CALN1: variants seen among roughly 807,000 people sequenced by gnomAD.
CALN1 encodes calcium-binding protein 8.
A neutral mutation model predicts 30.6 loss-of-function variants in CALN1; 17 were observed. The observed-to-expected ratio is 0.56, with a 90% CI of 0.38 to 0.83. CALN1 has a LOEUF of 0.83. Among genes scored for constraint, CALN1 ranks in the 40% least tolerant of loss-of-function variants. CALN1 has a pLI of 0.00. For synonymous variants in CALN1, 156 were observed against 131.4 expected (o/e 1.19, Z -1.28); for missense variants, 291 against 354.9 (o/e 0.82, Z 1.45).
chr7:72,455,321 A>ATGTGTGTGTGTGTG, the CALN1 span, among the ~76,000 whole-genome samples: 1 of 138,856 alleles, frequency 7.2e-6, no homozygotes, highest in African/African-American at 2.7e-5. Flanking sequence ...ATATATATAT[A>ATGTGTGTGTGTGTG]TGTGTGTGTG....
intron 3 of CALN1, among the ~76,000 whole-genome samples, chr7:72,219,680 TACACATGC>T (rs75465877): frequency 0.39 from 59,077 of 151,050 alleles, 12,067 homozygotes; most frequent in Middle Eastern, 0.56. Context: ...CACACATGCA[TACACATGC>T]ACACATGCAA....
chr7:72,026,110 G>C (rs1483345985), intron 4 of CALN1, among the ~76,000 whole-genome samples: 1 of 152,182 alleles, frequency 6.6e-6, no homozygotes, highest in Non-Finnish European at 1.5e-5. Context: ...CAAGCAACGA[G>C]TTACCATCTT....
At chr7:71,891,903 C>T (rs1490923256) in intron 5 of CALN1, among the ~76,000 whole-genome samples, 1 of 151,988 alleles carries the variant, frequency 6.6e-6, no homozygotes, top group East Asian at 1.9e-4. Flanking sequence ...AAGATTGCCC[C>T]ACTGCACTCC....
At chr7:71,920,330 C>CTTTTTTTT in intron 5 of CALN1, among the ~76,000 whole-genome samples, 1 of 98,744 alleles carries the variant, frequency 1.0e-5, no homozygotes, top group Non-Finnish European at 2.0e-5. Flanking sequence ...CAAATTAGTT[C>CTTTTTTTT]TTTTTTTTTT....
At chr7:72,218,585 T>C (rs1023432197) in intron 3 of CALN1, among the ~76,000 whole-genome samples, 2 of 152,216 alleles carry the variant, frequency 1.3e-5, no homozygotes, top group African/African-American at 4.8e-5. Context: ...ATCTCTAACC[T>C]GACCATGTAG....
At chr7:72,369,327 T>C (rs1229660944) in intron 2 of CALN1, among the ~76,000 whole-genome samples, 2 of 144,694 alleles carry the variant, frequency 1.4e-5, no homozygotes, top group Non-Finnish European at 3.0e-5. Context: ...TTATAATATA[T>C]ATAATTTATA....
chr7:71,962,844 C>T (rs140829825), intron 5 of CALN1, among the ~76,000 whole-genome samples: 1 of 152,090 alleles, frequency 6.6e-6, no homozygotes, highest in South Asian at 2.1e-4. Flanking sequence ...AAAAGACAAT[C>T]CCTGGTGAGA....
chr7:72,466,695 A>G, the CALN1 span, among the ~76,000 whole-genome samples: 1 of 151,858 alleles, frequency 6.6e-6, no homozygotes, highest in Admixed American at 6.6e-5. Flanking sequence ...GTGAGCCAAG[A>G]TCGCGCCACT....
chr7:72,052,283 A>C (rs2129536056), intron 4 of CALN1, among the ~76,000 whole-genome samples: 1 of 152,326 alleles, frequency 6.6e-6, no homozygotes, highest in East Asian at 1.9e-4. Context: ...TAACAGCAAG[A>C]ACTCCTGATC....
At chr7:71,812,362 C>G (rs1001471990) in intron 5 of CALN1, among the ~76,000 whole-genome samples, 2 of 152,106 alleles carry the variant, frequency 1.3e-5, no homozygotes, top group Non-Finnish European at 2.9e-5. Flanking sequence ...GGTTCCGGAG[C>G]CAGGCAGTGA....
chr7:72,464,910 A>C, the CALN1 span, among the ~76,000 whole-genome samples: 2 of 152,184 alleles, frequency 1.3e-5, no homozygotes, highest in Non-Finnish European at 2.9e-5. Flanking sequence ...GACAGAAATC[A>C]GAGGCAGTGC....
chr7:72,255,220 G>C (rs1795833257), intron 3 of CALN1, among the ~76,000 whole-genome samples: 1 of 151,660 alleles, frequency 6.6e-6, no homozygotes, highest in Non-Finnish European at 1.5e-5. Flanking sequence ...CCAGTAGCAG[G>C]GATTACAGGT....
chr7:71,982,988 C>T (rs1168534474), intron 5 of CALN1, among the ~76,000 whole-genome samples: 1 of 152,112 alleles, frequency 6.6e-6, no homozygotes, highest in East Asian at 1.9e-4. Flanking sequence ...CAAGTGAAAG[C>T]CCATTTGCAT....
At chr7:72,057,660 T>C (rs959131583) in intron 4 of CALN1, among the ~76,000 whole-genome samples, 8 of 152,134 alleles carry the variant, frequency 5.3e-5, no homozygotes, top group Non-Finnish European at 1.2e-4. Flanking sequence ...CTTGATATTG[T>C]ATTGTGAAGA....
chr7:71,884,551 A>G (rs1792785401), intron 5 of CALN1, among the ~76,000 whole-genome samples: 1 of 149,374 alleles, frequency 6.7e-6, no homozygotes, highest in African/African-American at 2.5e-5. Flanking sequence ...GTGATGGTTT[A>G]CACTGGGAAC....
rs117563924 is a variant in CALN1 at position 72,216,797 on chromosome 7, G to A, written c.244+61889C>T. ...GACAGGGTCTTGCTCTGTCACCCAGGCTGGAGTTCAGTAGCACAATCACGG... is the reference window on the plus strand; with the variant it reads ...GACAGGGTCTTGCTCTGTCACCCAGACTGGAGTTCAGTAGCACAATCACGG... On this transcript the variant is annotated intron_variant, in intron 3 of 6. Transcript: ENST00000395275. Among the ~76,000 whole-genome samples, 1,329 of 152,258 alleles carry A rather than the reference G, an allele frequency of 8.7e-3. 8 individuals are homozygous for A. Among genetic ancestry groups the A allele is most frequent in the Middle Eastern group, 0.017 (5 of 292 alleles).
At chr7:71,932,093 G>A (rs1447897297) in intron 5 of CALN1, among the ~76,000 whole-genome samples, 2 of 152,152 alleles carry the variant, frequency 1.3e-5, no homozygotes, top group Non-Finnish European at 2.9e-5. Context: ...GGAGGTAGCC[G>A]CCTTGGAGTC....
At chr7:72,399,471 A>G (rs1028281685) in intron 2 of CALN1, among the ~76,000 whole-genome samples, 1 of 151,764 alleles carries the variant, frequency 6.6e-6, no homozygotes, top group Non-Finnish European at 1.5e-5. Context: ...GGGCTTCACC[A>G]TGTTGGCCAA....
At chr7:71,936,224 C>T (rs143866296) in intron 5 of CALN1, among the ~76,000 whole-genome samples, 218 of 152,062 alleles carry the variant, frequency 1.4e-3, no homozygotes, top group African/African-American at 4.8e-3. Flanking sequence ...GTGGACTGGG[C>T]GCGGTGGCTC....
Sources: allele counts gnomAD v4.1 joint callset (sites outside exome capture counted in the v4.1 genomes callset), GRCh38; gene constraint gnomAD v4.1.1; transcripts MANE v1.5; gene names NCBI Gene and HGNC (gene_info 2026-07-23, HGNC 2026-07-21).